The following LPP variants were observed in gnomAD, a reference collection of about 807,000 sequenced individuals.
The protein encoded by LPP is lipoma-preferred partner.
LPP carries 38 observed loss-of-function variants against 60.4 expected under a neutral mutation model. That is an observed-to-expected ratio of 0.63 (90% confidence interval 0.49 to 0.83). The LOEUF (loss-of-function observed/expected upper bound fraction) is 0.83, where lower values mean the gene tolerates loss of function less well. Ranked by LOEUF, LPP falls within the 40% of genes least tolerant of loss-of-function variation. LPP has a pLI of 0.00. For missense variants in LPP, 902 were observed against 783.6 expected (o/e 1.15, Z -1.80); for synonymous variants, 328 against 290.8 (o/e 1.13, Z -1.30).
At chr3:188,488,685 G>T (rs1292911391) in intron 5 of LPP, among the ~76,000 whole-genome samples, 1 of 151,940 alleles carries the variant, frequency 6.6e-6, no homozygotes, top group Non-Finnish European at 1.5e-5. Flanking sequence ...CACCCAGGCT[G>T]GAGTGCAGTG....
In LPP at chr3:188,179,341, C is replaced by T. The variant is rs1440782315; in HGVS notation, c.-190+25089C>T. 5 of 458,122 alleles carry T rather than the reference C, an allele frequency of 1.1e-5. No homozygotes were observed. The Admixed American group carries it at 1.2e-4, about 11-fold the overall frequency. 28.4% of individuals were successfully genotyped at this position (458,122 alleles called of 1,614,324 possible). Reference sequence around the variant, plus strand: ...CAGCCCTTCATCACAGCTCTGCGGCCTCCTCCTAGGCCCCCGCCTTCAGCT... The same window carrying T: ...CAGCCCTTCATCACAGCTCTGCGGCTTCCTCCTAGGCCCCCGCCTTCAGCT... On this transcript the variant is annotated intron_variant, in intron 1 of 11. Coordinates refer to ENST00000617246, the MANE Select transcript of LPP (RefSeq NM_001375462.1).
intron 7 of LPP, among the ~76,000 whole-genome samples, chr3:188,686,140 AT>A (rs763285977): frequency 1.3e-5 from 2 of 152,194 alleles, no homozygotes; most frequent in Non-Finnish European, 2.9e-5. Context: ...AATATTAATA[AT>A]TCATATGAAA....
intron 9 of LPP, among the ~76,000 whole-genome samples, chr3:188,767,925 G>A (rs995441524): frequency 3.3e-5 from 5 of 152,062 alleles, no homozygotes; most frequent in Admixed American, 1.3e-4. Context: ...GAAAAATACT[G>A]CAATGTTTAG....
At chr3:188,400,467 T>C (rs1781982865) in intron 3 of LPP, among the ~76,000 whole-genome samples, 1 of 152,180 alleles carries the variant, frequency 6.6e-6, no homozygotes, top group African/African-American at 2.4e-5. Context: ...GCTAGACATA[T>C]AATAAACCTT....
intron 2 of LPP, among the ~76,000 whole-genome samples, chr3:188,290,461 T>C (rs1161004446): frequency 6.6e-6 from 1 of 152,126 alleles, no homozygotes; most frequent in African/African-American, 2.4e-5. Flanking sequence ...AAAGTTAGAA[T>C]GCGTAGAGCA....
intron 9 of LPP, among the ~76,000 whole-genome samples, chr3:188,863,804 A>G (rs545208724): frequency 3.3e-5 from 5 of 152,284 alleles, no homozygotes; most frequent in Admixed American, 1.3e-4. Context: ...CAGCATCTGT[A>G]GACCACAAGG....
At chr3:188,498,811 G>A (rs1035977676) in intron 5 of LPP, among the ~76,000 whole-genome samples, 1 of 152,112 alleles carries the variant, frequency 6.6e-6, no homozygotes, top group African/African-American at 2.4e-5. Context: ...CGTCCTTGCC[G>A]ACACTGTTTT....
At chr3:188,476,558 A>G (rs1803277878) in intron 4 of LPP, among the ~76,000 whole-genome samples, 1 of 152,222 alleles carries the variant, frequency 6.6e-6, no homozygotes, top group African/African-American at 2.4e-5. Flanking sequence ...AGAAAAGTTT[A>G]GTAGCAGTAG....
At position 188,404,964 on chromosome 3, in the gene LPP, G is replaced by A. The variant is rs142674005; in HGVS notation, c.-9-1148G>A. On this transcript the variant is annotated intron_variant, in intron 3 of 11. Transcript: ENST00000617246. ...AGGTGATTGGCTTACCCTGACAGAGGAGACATTTCCTCTCTTCAAATATTA... is the reference window on the plus strand; with the variant it reads ...AGGTGATTGGCTTACCCTGACAGAGAAGACATTTCCTCTCTTCAAATATTA... Among the ~76,000 whole-genome samples, 449 of 152,270 alleles carry A rather than the reference G, an allele frequency of 2.9e-3. 3 individuals carry two copies. Among genetic ancestry groups the A allele is most frequent in the African/African-American group, 0.01 (431 of 41,558 alleles).
chr3:188,689,177 G>T (rs554364686), intron 7 of LPP, among the ~76,000 whole-genome samples: 1 of 152,140 alleles, frequency 6.6e-6, no homozygotes, highest in South Asian at 2.1e-4. Context: ...GCCTGGGGTC[G>T]GCCTGGCACC....
At chr3:188,292,847 T>G (rs1746477530) in intron 2 of LPP, among the ~76,000 whole-genome samples, 1 of 152,200 alleles carries the variant, frequency 6.6e-6, no homozygotes, top group South Asian at 2.1e-4. Context: ...TGACTTTCCA[T>G]TTTTGATGGT....
Position 188,315,808 on chromosome 3 carries a change from T to A in LPP, c.-66-25855T>A, listed in dbSNP as rs1754864145. On this transcript the variant is annotated intron_variant, in intron 2 of 11. Coordinates refer to ENST00000617246, the MANE Select transcript of LPP (RefSeq NM_001375462.1). ...GGCTGATTCAGTCCTGTAACTCTAG[T>A]TCGTTTCTGCCTCATTTGGATATTC... 2.0e-5 allele frequency among the ~76,000 whole-genome samples: 3 copies of A among 152,202 alleles called. No homozygotes were observed. In the South Asian group the frequency reaches 6.2e-4, roughly 32 times the overall value.
At chr3:188,828,732 G>T (rs1756345896) in intron 9 of LPP, among the ~76,000 whole-genome samples, 1 of 151,086 alleles carries the variant, frequency 6.6e-6, no homozygotes, top group Non-Finnish European at 1.5e-5. Context: ...AGAGTCATTA[G>T]GGAAACTAGT....
intron 6 of LPP, among the ~76,000 whole-genome samples, chr3:188,607,407 A>G (rs1476137356): frequency 4.4e-4 from 13 of 29,632 alleles, no homozygotes; most frequent in African/African-American, 1.0e-3. Context: ...ATATATATAT[A>G]TATATATATA....
chr3:188,779,369 A>T (rs1253064965), intron 9 of LPP, among the ~76,000 whole-genome samples: 3 of 152,166 alleles, frequency 2.0e-5, no homozygotes, highest in Non-Finnish European at 4.4e-5. Context: ...GACGTGCATC[A>T]GTGCGAGGCT....
chr3:188,669,392 T>C (rs539249909), intron 7 of LPP, among the ~76,000 whole-genome samples: 28 of 151,948 alleles, frequency 1.8e-4, no homozygotes, highest in Admixed American at 2.6e-4. Context: ...CTGACTAACA[T>C]GGTGAAACCC....
chr3:188,369,779 C>G (rs1360113191), intron 3 of LPP, among the ~76,000 whole-genome samples: 1 of 152,086 alleles, frequency 6.6e-6, no homozygotes, highest in African/African-American at 2.4e-5. Flanking sequence ...TTCCTGTGTT[C>G]TTGGGCATGT....
chr3:188,516,670 C>T (rs1817469110), intron 5 of LPP, among the ~76,000 whole-genome samples: 1 of 138,306 alleles, frequency 7.2e-6, no homozygotes, highest in South Asian at 2.3e-4. Flanking sequence ...GTGAGAACAC[C>T]TCACTTTGAG....
intron 4 of LPP, among the ~76,000 whole-genome samples, chr3:188,427,564 C>G (rs1278787136): frequency 6.6e-6 from 1 of 152,182 alleles, no homozygotes; most frequent in Non-Finnish European, 1.5e-5. Context: ...GTTGGCCTGT[C>G]TTCCTGGGTT....
Sources: allele counts gnomAD v4.1 joint callset (sites outside exome capture counted in the v4.1 genomes callset), GRCh38; gene constraint gnomAD v4.1.1; transcripts MANE v1.5; gene names NCBI Gene and HGNC (gene_info 2026-07-23, HGNC 2026-07-21).